Variants in DECR1 observed in about 807,000 individuals in gnomAD.
DECR1 encodes 2,4-dienoyl-CoA reductase 1.
Under a neutral mutation model 38.8 loss-of-function variants are expected in DECR1, and 44 were observed. The observed-to-expected ratio is 1.13, with a 90% CI of 0.89 to 1.46. The LOEUF is 1.46. DECR1 is among the 40% of genes most tolerant of loss of function. The pLI is 0.00. For synonymous variants in DECR1, 148 were observed against 135.2 expected (o/e 1.09, Z -0.66); for missense variants, 428 against 405.5 (o/e 1.06, Z -0.48).
At chr8:90,049,786 G>T (rs1393752317) in intron 8 of DECR1, among the ~76,000 whole-genome samples, 2 of 152,078 alleles carry the variant, frequency 1.3e-5, no homozygotes, top group Non-Finnish European at 2.9e-5. Context: ...TATACTACAA[G>T]GCTACAGTAA....
At chr8:90,006,310 G>A in intron 1 of DECR1, 1 of 704,050 alleles carries the variant, frequency 1.4e-6, no homozygotes, top group South Asian at 1.5e-5. Context: ...GTTGTTGTTT[G>A]GTATATATCA....
At chr8:90,025,756 A>G (rs908621881) in intron 5 of DECR1, among the ~76,000 whole-genome samples, 1 of 152,106 alleles carries the variant, frequency 6.6e-6, no homozygotes, top group South Asian at 2.1e-4. Context: ...TTCCAACACT[A>G]TGTTGAATAG....
chr8:90,016,891 G>C, intron 1 of DECR1: 1 of 434,970 alleles, frequency 2.3e-6, no homozygotes, highest in Non-Finnish European at 4.2e-6. Flanking sequence ...ATAACCTGCT[G>C]AAAGTTACAT....
chr8:90,021,114 G>A, intron 5 of DECR1, 58 bp downstream of exon 5: 1 of 1,411,920 alleles, frequency 7.1e-7, no homozygotes, highest in Non-Finnish European at 9.4e-7. Flanking sequence ...AGGTTCTGTG[G>A]TAAGCTCTGT....
intron 6 of DECR1, among the ~76,000 whole-genome samples, chr8:90,039,988 T>C (rs1446040298): frequency 6.6e-6 from 1 of 152,206 alleles, no homozygotes; most frequent in East Asian, 1.9e-4. Flanking sequence ...ATGAGGTGGA[T>C]TCATTATCAG....
At chr8:90,011,147 G>A (rs1294678673) in intron 1 of DECR1, among the ~76,000 whole-genome samples, 1 of 152,170 alleles carries the variant, frequency 6.6e-6, no homozygotes, top group Admixed American at 6.5e-5. Flanking sequence ...CCTGTTACAT[G>A]TATTTCTCTA....
Position 90,019,064 on chromosome 8 carries a change from T to C in DECR1, c.331-22T>C, listed in dbSNP as rs1260380635. On this transcript the variant is annotated intron_variant, in intron 3 of 9. Coordinates refer to ENST00000220764, the MANE Select transcript of DECR1 (RefSeq NM_001359.2). ...GGTTTAAGAAAGCTGGAAAATGTCA[T>C]ATTCTTTTTGTTATTTTGCAGGTTC... The C allele has an allele frequency of 4.3e-6, 7 of 1,611,442 alleles. No individual in the cohort carries two copies. In the African/African-American group the frequency reaches 8.0e-5, roughly 18 times the overall value.
chr8:90,006,917 C>CT (rs1812756219), intron 1 of DECR1, among the ~76,000 whole-genome samples: 1 of 152,238 alleles, frequency 6.6e-6, no homozygotes, highest in East Asian at 1.9e-4. Context: ...GTGCCACTCT[C>CT]TTGAGTGAGG....
intron 5 of DECR1, among the ~76,000 whole-genome samples, chr8:90,034,845 C>G (rs186127385): frequency 1.3e-5 from 2 of 152,172 alleles, no homozygotes; most frequent in Admixed American, 1.3e-4. Flanking sequence ...TTTATACAAT[C>G]ATTTTAAAAA....
chr8:90,024,063 C>A (rs899894718), intron 5 of DECR1, among the ~76,000 whole-genome samples: 5 of 152,186 alleles, frequency 3.3e-5, no homozygotes, highest in Admixed American at 2.0e-4. Context: ...TTTTTTATGG[C>A]TGCATAGTAT....
At chr8:90,024,361 A>G (rs1445300343) in intron 5 of DECR1, among the ~76,000 whole-genome samples, 1 of 152,178 alleles carries the variant, frequency 6.6e-6, no homozygotes, top group Non-Finnish European at 1.5e-5. Context: ...CTATTTTTCC[A>G]CATCCTCTCC....
rs1309474173 is a variant in DECR1, at chr8:90,051,806, AG to A, written c.949-30del. 4 of 1,613,398 alleles carry A rather than the reference AG, an allele frequency of 2.5e-6. No individual in the cohort carries two copies. In the South Asian group the frequency reaches 3.3e-5, roughly 13 times the overall value. On this transcript the variant is annotated intron_variant, in intron 9 of 9. Coordinates refer to ENST00000220764, the MANE Select transcript of DECR1 (RefSeq NM_001359.2). ...TACTAAGCTTTAAAAACATGTAAAA[AG>A]GACATTAAATTGACATCTTTTTTGT...
intron 5 of DECR1, among the ~76,000 whole-genome samples, chr8:90,027,774 T>A (rs12675708): frequency 0.39 from 58,155 of 150,924 alleles, 11,772 homozygotes; most frequent in African/African-American, 0.53. Context: ...GTTTTTTTTT[T>A]AAAAAAAAAT....
At chr8:90,027,636 G>A (rs185452022) in intron 5 of DECR1, among the ~76,000 whole-genome samples, 60 of 152,158 alleles carry the variant, frequency 3.9e-4, no homozygotes, top group African/African-American at 1.3e-3. Context: ...TGGGTCTCCT[G>A]AATACAGCAC....
chr8:90,006,562 G>T, intron 1 of DECR1, among the ~76,000 whole-genome samples: 1 of 152,210 alleles, frequency 6.6e-6, no homozygotes, highest in South Asian at 2.1e-4. Flanking sequence ...CATCTGTTGA[G>T]AGGTGATGGT....
intron 5 of DECR1, among the ~76,000 whole-genome samples, chr8:90,023,013 A>T (rs184715941): frequency 8.5e-5 from 13 of 152,310 alleles, no homozygotes; most frequent in Non-Finnish European, 1.3e-4. Flanking sequence ...AAGCTGACAG[A>T]GTTTGGAGAA....
At chr8:90,042,669 A>G in intron 6 of DECR1, 59 bp from the exon 7 acceptor site, 1 of 1,427,174 alleles carries the variant, frequency 7.0e-7, no homozygotes, top group Non-Finnish European at 9.9e-7. Flanking sequence ...CTCAGTTATT[A>G]CTGTCTTTAA....
At chr8:90,027,350 G>A (rs1424729920) in intron 5 of DECR1, among the ~76,000 whole-genome samples, 1 of 152,006 alleles carries the variant, frequency 6.6e-6, no homozygotes, top group Non-Finnish European at 1.5e-5. Context: ...TTATTGTGTG[G>A]GCGTCTACAT....
intron 5 of DECR1, among the ~76,000 whole-genome samples, chr8:90,025,331 A>G (rs1429861832): frequency 1.3e-5 from 2 of 152,032 alleles, no homozygotes; most frequent in Non-Finnish European, 2.9e-5. Flanking sequence ...CATTTTCATG[A>G]TATTGATTCT....
Sources: gnomAD v4.1 joint callset for allele counts (sites outside exome capture counted in the v4.1 genomes callset) on GRCh38, gnomAD v4.1.1 for gene constraint, MANE v1.5 for transcripts, NCBI Gene and HGNC (gene_info 2026-07-23, HGNC 2026-07-21) for gene names.